The following IMMP2L variants were observed in gnomAD, a reference collection of about 807,000 sequenced individuals.
The protein encoded by IMMP2L is mitochondrial inner membrane protease subunit 2.
Under a neutral mutation model 19.3 loss-of-function variants are expected in IMMP2L, and 18 were observed. That is an observed-to-expected ratio of 0.93 (90% confidence interval 0.64 to 1.38). The LOEUF (loss-of-function observed/expected upper bound fraction) is 1.38, where lower values mean the gene tolerates loss of function less well. Ranked by LOEUF, IMMP2L falls within the 40% of genes most tolerant of loss-of-function variation. IMMP2L has a pLI of 0.00. For synonymous variants in IMMP2L, 76 were observed against 73.0 expected, an observed-to-expected ratio of 1.04 and a Z score of -0.21; for missense variants, 233 against 218.2, an observed-to-expected ratio of 1.07 and a Z score of -0.43.
rs117104380 is a variant in IMMP2L at position 111,105,291 on chromosome 7, A to T, written c.240-141726T>A. ...TTCATTTTGCAACAACCTTCTATGA[A>T]TCTGACATCTAGTTATTTCAGTTAA... On this transcript the variant is annotated intron_variant, in intron 3 of 5. Transcript: ENST00000405709. Among the ~76,000 whole-genome samples, 256 of 152,062 alleles carry T rather than the reference A, an allele frequency of 1.7e-3. 4 individuals carry two copies. The East Asian group carries it at 0.038, about 22-fold the overall frequency.
intron 3 of IMMP2L, among the ~76,000 whole-genome samples, chr7:111,424,868 G>C (rs1410285908): frequency 6.6e-6 from 1 of 151,712 alleles, no homozygotes; most frequent in Non-Finnish European, 1.5e-5. Flanking sequence ...TATCACATTT[G>C]TTGACTACCA....
At chr7:111,402,706 C>A (rs1380120847) in intron 3 of IMMP2L, among the ~76,000 whole-genome samples, 1 of 151,964 alleles carries the variant, frequency 6.6e-6, no homozygotes, top group Non-Finnish European at 1.5e-5. Flanking sequence ...GAGTGAGATT[C>A]TGTCTCAAAA....
chr7:110,937,712 A>C (rs1816277894), intron 4 of IMMP2L, among the ~76,000 whole-genome samples: 2 of 152,108 alleles, frequency 1.3e-5, no homozygotes. Flanking sequence ...GGCTTATACC[A>C]CCAAGTTCTT....
intron 3 of IMMP2L, among the ~76,000 whole-genome samples, chr7:111,374,819 G>A (rs1338979588): frequency 6.6e-6 from 1 of 152,138 alleles, no homozygotes; most frequent in Non-Finnish European, 1.5e-5. Flanking sequence ...ACTGGATGCT[G>A]CATTCAATGT....
chr7:110,792,956 C>T (rs1257733268), intron 5 of IMMP2L, among the ~76,000 whole-genome samples: 7 of 152,000 alleles, frequency 4.6e-5, no homozygotes, highest in African/African-American at 1.7e-4. Flanking sequence ...GGGCATTGTG[C>T]TATACGAAAT....
intron 4 of IMMP2L, among the ~76,000 whole-genome samples, chr7:110,937,677 A>G (rs1816274496): frequency 6.6e-6 from 1 of 152,174 alleles, no homozygotes; most frequent in African/African-American, 2.4e-5. Context: ...TTGACTCATT[A>G]TACTTCGCAA....
rs115357204 is a variant in IMMP2L at position 110,865,117 on chromosome 7, C to A, written c.408+21476G>T. Among the ~76,000 whole-genome samples, 690 of 152,018 alleles carry A rather than the reference C, an allele frequency of 4.5e-3. 8 individuals are homozygous for A. Among genetic ancestry groups the A allele is most frequent in the African/African-American group, 0.015 (641 of 41,494 alleles). On this transcript the variant is annotated intron_variant, in intron 5 of 5. Transcript: ENST00000405709. ...TAAAATTTGTATATTTAAAGATAAA[C>A]TTTACCTATTTTCTGTATTATTTGT...
chr7:111,296,562 T>C (rs953970611), intron 3 of IMMP2L, among the ~76,000 whole-genome samples: 4 of 151,780 alleles, frequency 2.6e-5, no homozygotes, highest in African/African-American at 7.2e-5. Context: ...AAATCATACA[T>C]TTGCTGGTAG....
intron 3 of IMMP2L, among the ~76,000 whole-genome samples, chr7:111,130,976 A>G (rs57038641): frequency 6.6e-6 from 1 of 152,150 alleles, no homozygotes; most frequent in East Asian, 1.9e-4. Flanking sequence ...AAATTCTAGT[A>G]CAGAACTTTC....
chr7:110,706,991 A>ATTT (rs57136908), intron 5 of IMMP2L, among the ~76,000 whole-genome samples: 94,066 of 133,732 alleles, frequency 0.7, 34,727 homozygotes, highest in Non-Finnish European at 0.82. Context: ...TTACACTTAA[A>ATTT]TTTTTTTTTT....
intron 2 of IMMP2L, among the ~76,000 whole-genome samples, chr7:111,500,608 C>A (rs542707559): frequency 7.2e-5 from 11 of 152,286 alleles, no homozygotes; most frequent in Non-Finnish European, 1.5e-4. Flanking sequence ...TGAGACAAAA[C>A]TTCCAGAGGA....
In IMMP2L at chr7:111,199,969, A is replaced by G. The variant is rs560143731; in HGVS notation, c.240-236404T>C. On this transcript the variant is annotated intron_variant, in intron 3 of 5. Transcript: ENST00000405709. The stretch of plus-strand genomic sequence containing the variant: ...TTCAGTTTTATAGGCTCTTTGAAGG[A>G]GCAATTTAGTTTCTCTATTAAAACA... Among the ~76,000 whole-genome samples, 7 of 152,196 alleles carry G rather than the reference A, an allele frequency of 4.6e-5. No homozygotes were observed. The South Asian group carries it at 1.4e-3, about 32-fold the overall frequency.
chr7:110,873,808 G>C (rs1051091247), intron 5 of IMMP2L, among the ~76,000 whole-genome samples: 2 of 151,184 alleles, frequency 1.3e-5, no homozygotes, highest in Non-Finnish European at 2.9e-5. Flanking sequence ...AGCAACATTT[G>C]CAAGAGGTGA....
intron 5 of IMMP2L, chr7:110,725,828 A>C (rs1479713217): frequency 6.6e-6 from 1 of 152,196 alleles, no homozygotes; most frequent in Non-Finnish European, 1.5e-5. Context: ...TTTAAACTGA[A>C]ACTTAAAGAA....
chr7:111,206,401 C>A (rs775127125), intron 3 of IMMP2L, among the ~76,000 whole-genome samples: 4 of 152,096 alleles, frequency 2.6e-5, no homozygotes, highest in Middle Eastern at 3.2e-3. Flanking sequence ...CAATTAGTTC[C>A]CCCAAATCAG....
intron 3 of IMMP2L, among the ~76,000 whole-genome samples, chr7:110,987,514 G>A (rs746815874): frequency 2.0e-5 from 3 of 152,096 alleles, no homozygotes; most frequent in Admixed American, 6.6e-5. Context: ...CCCAAACTGC[G>A]TTCCAGGGAA....
intron 3 of IMMP2L, among the ~76,000 whole-genome samples, chr7:111,396,725 A>G (rs1014652269): frequency 2.6e-5 from 4 of 152,192 alleles, no homozygotes; most frequent in African/African-American, 9.6e-5. Context: ...ATACAATACT[A>G]TCATAACAAT....
chr7:110,918,748 C>T (rs536910103), intron 4 of IMMP2L, among the ~76,000 whole-genome samples: 1 of 150,900 alleles, frequency 6.6e-6, no homozygotes, highest in Admixed American at 6.6e-5. Flanking sequence ...GCCACTGCAC[C>T]TGGCCCCAGA....
chr7:111,123,338 A>G lies in IMMP2L; in HGVS notation c.240-159773T>C, dbSNP rs1438279652. 6.2e-7 allele frequency: 1 copy of G among 1,613,824 alleles called. No individual in the cohort carries two copies. Among genetic ancestry groups the G allele is most frequent in the South Asian group, 1.1e-5 (1 of 91,050 alleles). ...AGTAAGTGGTTTGATGCTCTTCCAA[A>G]TCTAGAGATTCTGATGATTGGGGAA... On this transcript the variant is annotated intron_variant, in intron 3 of 5. Transcript: ENST00000405709. The surrounding 1 kb of genome is among the most constrained non-coding windows in gnomAD (Gnocchi z 6.4).
Sources: allele counts gnomAD v4.1 joint callset (sites outside exome capture counted in the v4.1 genomes callset), GRCh38; gene constraint gnomAD v4.1.1; non-coding constraint Gnocchi (gnomAD v3.1); transcripts MANE v1.5; gene names NCBI Gene and HGNC (gene_info 2026-07-23, HGNC 2026-07-21).